The following RYR2 variants were observed in gnomAD, a reference collection of about 807,000 sequenced individuals.
RYR2 encodes ryanodine receptor 2.
Under a neutral mutation model 601.1 loss-of-function variants are expected in RYR2, and 227 were observed. That is an observed-to-expected ratio of 0.38 (90% CI 0.34 to 0.42). The LOEUF is 0.42. RYR2 is among the 10% of genes least tolerant of loss of function. RYR2 has a pLI of 1.00. For missense variants in RYR2, 4,646 were observed against 6,156.5 expected (o/e 0.75, Z 8.21); for synonymous variants, 2,223 against 2,175.1 (o/e 1.02, Z -0.61).
At chr1:237,721,755 A>G (rs1304098243) in intron 73 of RYR2, among the ~76,000 whole-genome samples, 2 of 152,246 alleles carry the variant, frequency 1.3e-5, no homozygotes, top group Non-Finnish European at 2.9e-5. Context: ...CCTGACCTCA[A>G]GTAATCCACC....
intron 10 of RYR2, among the ~76,000 whole-genome samples, chr1:237,415,693 G>A (rs762824407): frequency 5.3e-5 from 8 of 152,194 alleles, no homozygotes; most frequent in Non-Finnish European, 1.2e-4. Flanking sequence ...GACAAGAGAG[G>A]AATGGGGACT....
chr1:237,644,253 G>A (rs1267119401), intron 48 of RYR2, among the ~76,000 whole-genome samples: 1 of 151,498 alleles, frequency 6.6e-6, no homozygotes, highest in African/African-American at 2.4e-5. Flanking sequence ...TTTTTTTTGA[G>A]ATGGAGTCTC....
chr1:237,755,881 G>A (rs895950382), intron 80 of RYR2, among the ~76,000 whole-genome samples: 1 of 152,128 alleles, frequency 6.6e-6, no homozygotes, highest in Admixed American at 6.6e-5. Context: ...TGCAACTCGA[G>A]CCATTTGCTG....
chr1:237,708,784 A>G, intron 68 of RYR2, 74 bp from the exon 69 acceptor site: 1 of 1,335,700 alleles, frequency 7.5e-7, no homozygotes, highest in East Asian at 2.4e-5. Context: ...TTATGTTACA[A>G]TTGTAATTAC....
At chr1:237,522,518 C>T (rs1407823161) in intron 24 of RYR2, among the ~76,000 whole-genome samples, 1 of 152,186 alleles carries the variant, frequency 6.6e-6, no homozygotes, top group East Asian at 1.9e-4. Context: ...CCTTTCTGTA[C>T]TCCCAGTATA....
At chr1:237,205,466 T>G (rs1681706669) in intron 1 of RYR2, among the ~76,000 whole-genome samples, 1 of 152,126 alleles carries the variant, frequency 6.6e-6, no homozygotes, top group Non-Finnish European at 1.5e-5. Flanking sequence ...GATCCGAGCC[T>G]GCAGTGCCAT....
At chr1:237,785,111 G>T (rs1003747639) in intron 90 of RYR2, 139 bp downstream of exon 90, 3 of 696,080 alleles carry the variant, frequency 4.3e-6, no homozygotes, top group Admixed American at 2.2e-5. Context: ...AATGCTTTTT[G>T]GTAGACAAAG....
chr1:237,252,483 T>C (rs1304200278), intron 1 of RYR2, among the ~76,000 whole-genome samples: 1 of 152,216 alleles, frequency 6.6e-6, no homozygotes, highest in African/African-American at 2.4e-5. Context: ...TATCACGAGC[T>C]GACATTACAT....
intron 3 of RYR2, among the ~76,000 whole-genome samples, chr1:237,351,463 AAGAG>A (rs1285254768): frequency 2.0e-5 from 3 of 152,166 alleles, no homozygotes; most frequent in African/African-American, 2.4e-5. Context: ...GAATACGAAA[AAGAG>A]AGAATATAAA....
chr1:237,652,014 T>C (rs1316399055), intron 51 of RYR2, among the ~76,000 whole-genome samples: 5 of 151,540 alleles, frequency 3.3e-5, no homozygotes, highest in Non-Finnish European at 7.4e-5. Flanking sequence ...CCAGCCTGGG[T>C]GACAGAGCGA....
intron 1 of RYR2, among the ~76,000 whole-genome samples, chr1:237,211,100 A>T (rs1682524399): frequency 6.6e-6 from 1 of 152,158 alleles, no homozygotes; most frequent in South Asian, 2.1e-4. Context: ...AGGTTATTGG[A>T]TGGCATTACT....
chr1:237,157,110 G>A (rs2485590), intron 1 of RYR2, among the ~76,000 whole-genome samples: 96,405 of 151,482 alleles, frequency 0.64, 30,769 homozygotes, highest in Non-Finnish European at 0.66. Context: ...AGCCTGGCCA[G>A]CATGGTGAAA....
intron 1 of RYR2, among the ~76,000 whole-genome samples, chr1:237,095,892 C>A (rs1026227592): frequency 6.6e-6 from 1 of 152,326 alleles, no homozygotes; most frequent in South Asian, 2.1e-4. Context: ...TGTGGTTGAC[C>A]TTGAAGTCTG....
chr1:237,093,113 C>T (rs1436652923), intron 1 of RYR2, among the ~76,000 whole-genome samples: 1 of 152,160 alleles, frequency 6.6e-6, no homozygotes, highest in African/African-American at 2.4e-5. Flanking sequence ...CACCAAGGAA[C>T]TGGATTTTAC....
chr1:237,277,621 C>T (rs942307328), intron 2 of RYR2, among the ~76,000 whole-genome samples: 6 of 152,022 alleles, frequency 3.9e-5, no homozygotes, highest in South Asian at 2.1e-4. Flanking sequence ...AAAAATTAGG[C>T]GAGGTTTGGT....
At chr1:237,271,659 G>A (rs1336113882) in intron 2 of RYR2, among the ~76,000 whole-genome samples, 1 of 152,192 alleles carries the variant, frequency 6.6e-6, no homozygotes, top group East Asian at 1.9e-4. Context: ...GAGCTATGAA[G>A]AGGGTAAAAC....
chr1:237,455,522 G>A (rs1343359704), intron 15 of RYR2, among the ~76,000 whole-genome samples: 1 of 152,052 alleles, frequency 6.6e-6, no homozygotes, highest in South Asian at 2.1e-4. Context: ...CCAGTGACAC[G>A]CAATATACCC....
intron 43 of RYR2, 39 bp from the exon 44 acceptor site, chr1:237,634,850 A>G: frequency 2.0e-6 from 3 of 1,486,726 alleles, no homozygotes; most frequent in Non-Finnish European, 2.8e-6. Context: ...TAGTTACAGC[A>G]CGATCCAGGT....
chr1:237,500,805 C>G lies in RYR2; in HGVS notation c.2298C>G (p.Ile766Met). ...SCCLDLSAPS[I>M]SFRINGQPVQ... The stretch of plus-strand genomic sequence containing the variant: ...GTTTAGATCTGAGTGCCCCAAGCAT[C>G]TCGTTCCGAATTAATGGACAACCTG... The change falls in exon 21 of 105, where the codon ATC becomes ATG. Residue 766 changes from isoleucine (I) to methionine (M), a missense_variant. By Grantham distance (10) the Ile-to-Met change is conservative (BLOSUM62 1). Transcript: ENST00000366574. 1 of 1,614,050 alleles carries G rather than the reference C, an allele frequency of 6.2e-7. No individual in the cohort carries two copies. Among genetic ancestry groups the G allele is most frequent in the Non-Finnish European group, 8.5e-7 (1 of 1,179,902 alleles).
Sources: allele counts gnomAD v4.1 joint callset (sites outside exome capture counted in the v4.1 genomes callset), GRCh38; gene constraint gnomAD v4.1.1; transcripts MANE v1.5; gene names NCBI Gene and HGNC (gene_info 2026-07-23, HGNC 2026-07-21).